Variants in AIG1 observed in about 807,000 individuals in gnomAD.
AIG1 encodes androgen-induced gene 1 protein.
A neutral mutation model predicts 31.4 loss-of-function variants in AIG1; 23 were observed. The observed-to-expected ratio is 0.73, with a 90% CI of 0.53 to 1.04. AIG1 has a LOEUF of 1.04. Ranked by LOEUF, AIG1 falls within the 50% of genes least tolerant of loss-of-function variation. The probability of loss-of-function intolerance (pLI) is 0.00; values close to 1 mark genes in which losing one functional copy is unlikely to be tolerated. For missense variants in AIG1, 274 were observed against 295.0 expected, an observed-to-expected ratio of 0.93 and a Z score of 0.52; for synonymous variants, 100 against 110.5, an observed-to-expected ratio of 0.90 and a Z score of 0.60.
At chr6:143,270,461 A>G (rs1316415495) in intron 3 of AIG1, among the ~76,000 whole-genome samples, 47 of 152,178 alleles carry the variant, frequency 3.1e-4, no homozygotes. Context: ...ACTACCCACA[A>G]TGCTTTGTGT....
chr6:143,059,348 A>G (rs1248318670), upstream of AIG1, among the ~76,000 whole-genome samples: 1 of 152,174 alleles, frequency 6.6e-6, no homozygotes, highest in Admixed American at 6.5e-5. Flanking sequence ...CTGCCGCTTC[A>G]TTCTTGAAGT....
At position 143,291,712 on chromosome 6, in the gene AIG1, C is replaced by A. The variant is rs1798073823; in HGVS notation, c.515+7487C>A. Among the ~76,000 whole-genome samples, 1 of 152,194 alleles carries A rather than the reference C, an allele frequency of 6.6e-6. No homozygotes were observed. Among genetic ancestry groups the A allele is most frequent in the South Asian group, 2.1e-4 (1 of 4,824 alleles). On this transcript the variant is annotated intron_variant, in intron 4 of 5. Transcript: ENST00000357847. The surrounding 1 kb of genome is among the most constrained non-coding windows in gnomAD (Gnocchi z 4.2). ...ATGGAATAAATAAGTAAACCCCCCT[C>A]CCATTCAGGGTTCCAGCAATAAGCC...
intron 4 of AIG1, among the ~76,000 whole-genome samples, chr6:143,311,821 C>T (rs950412880): frequency 1.3e-4 from 20 of 151,800 alleles, no homozygotes; most frequent in African/African-American, 4.8e-4. Context: ...CTAAAGACTC[C>T]AACAAAAAAA....
rs893100587 is a variant in AIG1, at chr6:143,334,362, G to T, written c.679+917G>T. On this transcript the variant is annotated intron_variant, in intron 5 of 5. Transcript: ENST00000357847. The surrounding 1 kb of genome is among the most constrained non-coding windows in gnomAD (Gnocchi z 5.1). Reference sequence around the variant, plus strand: ...CTTTGTGCCAGACACCCTGCCAGGAGCTCAATGGAATCAGACAAATAACGC... The same window carrying T: ...CTTTGTGCCAGACACCCTGCCAGGATCTCAATGGAATCAGACAAATAACGC... 6.6e-6 allele frequency among the ~76,000 whole-genome samples: 1 copy of T among 152,232 alleles called. No homozygotes were observed. The highest frequency in any genetic ancestry group is 2.4e-5 in the African/African-American group (1 of 41,454).
chr6:143,260,912 C>T (rs1053976316), intron 3 of AIG1, among the ~76,000 whole-genome samples: 2 of 152,154 alleles, frequency 1.3e-5, no homozygotes, highest in South Asian at 2.1e-4. Flanking sequence ...CCTTCACCCC[C>T]CCGCCATCCC....
intron 3 of AIG1, among the ~76,000 whole-genome samples, chr6:143,176,627 G>A (rs915944980): frequency 1.3e-5 from 2 of 152,164 alleles, no homozygotes; most frequent in African/African-American, 2.4e-5. Context: ...AGGGAAGTGA[G>A]GGAAAGCCAT....
chr6:143,218,079 T>C (rs1478346949), intron 3 of AIG1, among the ~76,000 whole-genome samples: 1 of 152,268 alleles, frequency 6.6e-6, no homozygotes, highest in East Asian at 1.9e-4. Flanking sequence ...TCGTCTCATT[T>C]GCGAATTCAC....
intron 3 of AIG1, among the ~76,000 whole-genome samples, chr6:143,221,993 TTAGC>T (rs774071064): frequency 6.6e-6 from 1 of 152,156 alleles, no homozygotes; most frequent in Non-Finnish European, 1.5e-5. Flanking sequence ...GGGTCAGGCT[TTAGC>T]TCTGCACTTT....
chr6:143,210,165 T>C (rs1232053275), intron 3 of AIG1, among the ~76,000 whole-genome samples: 1 of 152,224 alleles, frequency 6.6e-6, no homozygotes, highest in Non-Finnish European at 1.5e-5. Flanking sequence ...TTCTGCTCAT[T>C]CTTCTCCTCC....
At chr6:143,189,670 A>T in intron 3 of AIG1, 1 of 985,352 alleles carries the variant, frequency 1.0e-6, no homozygotes, top group South Asian at 4.7e-5. Flanking sequence ...TTGCAGTATC[A>T]TCCTTTTTTT....
At chr6:143,260,510 T>C (rs920656661) in intron 3 of AIG1, among the ~76,000 whole-genome samples, 8 of 152,236 alleles carry the variant, frequency 5.3e-5, no homozygotes, top group Admixed American at 3.9e-4. Context: ...TTGGGTCCAC[T>C]TAGTTCCAAG....
At position 143,079,221 on chromosome 6, in the gene AIG1, A is replaced by C. The variant is rs9376721; in HGVS notation, c.141+18155A>C. Among the ~76,000 whole-genome samples the C allele has an allele frequency of 2.9e-3, 439 of 152,172 alleles. 10 individuals are homozygous for C. In the East Asian group the frequency reaches 0.052, roughly 18 times the overall value. ...CTTGGGGTTTTAGGTACTCATGCTA[A>C]AGGAAAAAAAAAGAGGGAATCATAA... On this transcript the variant is annotated intron_variant, in intron 1 of 5. Transcript: ENST00000357847.
chr6:143,087,155 G>A (rs1778870939), intron 1 of AIG1, among the ~76,000 whole-genome samples: 3 of 152,220 alleles, frequency 2.0e-5, no homozygotes, highest in South Asian at 4.1e-4. Flanking sequence ...GCAAGTGAAA[G>A]TGGTCTCATA....
At chr6:143,111,589 G>A (rs79105667) in intron 1 of AIG1, among the ~76,000 whole-genome samples, 2,204 of 152,224 alleles carry the variant, frequency 0.014, 52 homozygotes, top group African/African-American at 0.049. Context: ...GTCTTCTGAC[G>A]TTTTTGAAAG....
At chr6:143,097,154 T>A (rs976735492) in intron 1 of AIG1, among the ~76,000 whole-genome samples, 44 of 151,846 alleles carry the variant, frequency 2.9e-4, no homozygotes, top group African/African-American at 1.0e-3. Context: ...AAAAGTGAAG[T>A]TTTTTGTTTT....
intron 4 of AIG1, among the ~76,000 whole-genome samples, chr6:143,286,316 G>T (rs1797677799): frequency 1.3e-5 from 2 of 152,044 alleles, no homozygotes; most frequent in African/African-American, 4.8e-5. Flanking sequence ...CTCATTCTCT[G>T]CATGCCAAGT....
chr6:143,284,220 A>T lies in AIG1; in HGVS notation c.510A>T (p.Ile170=), dbSNP rs772388736. 6.2e-7 allele frequency: 1 copy of T among 1,608,884 alleles called. No individual in the cohort carries two copies. Among genetic ancestry groups the T allele is most frequent in the Non-Finnish European group, 8.5e-7 (1 of 1,175,666 alleles). The change falls in exon 4 of 6, where the codon ATA becomes ATT. Residue 170 remains isoleucine, a synonymous_variant. Transcript: ENST00000357847. The surrounding 1 kb of genome is among the most constrained non-coding windows in gnomAD (Gnocchi z 4.4). ...TATGTACCTTCTCTGTTGGCTATAT[A>T]TTATGGTAAGGACCATGCCTGCTGG... ...TAICTFSVGY[I]LWVCWVHHVT... is the part of the protein sequence containing the mutation.
chr6:143,129,506 G>A (rs754176774), intron 1 of AIG1, among the ~76,000 whole-genome samples: 1 of 151,992 alleles, frequency 6.6e-6, no homozygotes, highest in Non-Finnish European at 1.5e-5. Flanking sequence ...GACACCATTG[G>A]GTAAGAAGAT....
At chr6:143,260,133 C>T (rs1795652562) in intron 3 of AIG1, among the ~76,000 whole-genome samples, 2 of 150,442 alleles carry the variant, frequency 1.3e-5, no homozygotes, top group Admixed American at 1.3e-4. Context: ...ACAGCATTCT[C>T]CTCCTTCAGC....
Sources: gnomAD v4.1 joint callset for allele counts (sites outside exome capture counted in the v4.1 genomes callset) on GRCh38, gnomAD v4.1.1 for gene constraint, Gnocchi (gnomAD v3.1) non-coding constraint, MANE v1.5 for transcripts, NCBI Gene and HGNC (gene_info 2026-07-23, HGNC 2026-07-21) for gene names.